Variants in PALM2AKAP2 observed in about 807,000 individuals in gnomAD.
The protein encoded by PALM2AKAP2 is PALM2 and AKAP2 fusion.
In PALM2AKAP2, 37 loss-of-function variants were observed where a neutral mutation model predicts 71.5. The ratio of observed to expected loss-of-function variants is 0.52; its 90% CI spans 0.40 to 0.68. The LOEUF is 0.68. Ranked by LOEUF, PALM2AKAP2 falls within the 30% of genes least tolerant of loss-of-function variation. The probability of loss-of-function intolerance (pLI) is 0.00; values close to 1 mark genes in which losing one functional copy is unlikely to be tolerated. For synonymous variants in PALM2AKAP2, 468 were observed against 478.8 expected (o/e 0.98, Z 0.29); for missense variants, 1,224 against 1,191.8 (o/e 1.03, Z -0.40).
At chr9:109,753,812 A>G (rs1157836000) in intron 1 of PALM2AKAP2, among the ~76,000 whole-genome samples, 1 of 136,894 alleles carries the variant, frequency 7.3e-6, no homozygotes, top group Non-Finnish European at 1.6e-5. Context: ...CTTTAAAGTA[A>G]TTGAATTCAG....
intron 1 of PALM2AKAP2, among the ~76,000 whole-genome samples, chr9:109,755,837 A>C (rs765733222): frequency 2.6e-5 from 4 of 152,120 alleles, no homozygotes; most frequent in Non-Finnish European, 4.4e-5. Flanking sequence ...AAGACTTCAA[A>C]ACCCCTGGAA....
chr9:109,782,399 C>T (rs866082524), intron 1 of PALM2AKAP2, among the ~76,000 whole-genome samples: 3 of 152,178 alleles, frequency 2.0e-5, no homozygotes, highest in Admixed American at 6.5e-5. Flanking sequence ...TCCATATCCA[C>T]GCCTTCAGTC....
intron 6 of PALM2AKAP2, among the ~76,000 whole-genome samples, chr9:109,952,304 G>A (rs1231968676): frequency 6.6e-6 from 1 of 152,150 alleles, no homozygotes; most frequent in African/African-American, 2.4e-5. Context: ...CAAAAAAAAA[G>A]TTTCAAAAAA....
At chr9:109,972,848 G>A (rs1489300651) in intron 6 of PALM2AKAP2, among the ~76,000 whole-genome samples, 3 of 152,190 alleles carry the variant, frequency 2.0e-5, no homozygotes, top group African/African-American at 4.8e-5. Flanking sequence ...ATGCTAATAT[G>A]TATAACGGAC....
chr9:109,968,097 A>G (rs1831991285), intron 6 of PALM2AKAP2, among the ~76,000 whole-genome samples: 1 of 152,188 alleles, frequency 6.6e-6, no homozygotes. Context: ...ATGGTAAAGG[A>G]TTTAGGACTG....
Position 109,935,406 on chromosome 9 carries a change from T to C in PALM2AKAP2, c.496+3378T>C, listed in dbSNP as rs74895755. 6.7e-4 allele frequency among the ~76,000 whole-genome samples: 102 copies of C among 152,344 alleles called. 2 individuals are homozygous for C. In the East Asian group the frequency reaches 0.014, roughly 20 times the overall value. On this transcript the variant is annotated intron_variant, in intron 6 of 9. Coordinates refer to the PALM2AKAP2 transcript ENST00000302798. ...CTAAATTGACATCTTTGGGGTATGA[T>C]CATGCAACCACTAACAAGTTAATTG...
Position 110,159,241 on chromosome 9 carries a change from A to G in PALM2AKAP2, c.2748+2744A>G, listed in dbSNP as rs552691851. Reference sequence around the variant, plus strand: ...ATTCTGGTCTCTAGCCTCCATTTACATACACTATTCTCACAGAGAAACATG... The same window carrying G: ...ATTCTGGTCTCTAGCCTCCATTTACGTACACTATTCTCACAGAGAAACATG... On this transcript the variant is annotated intron_variant, in intron 3 of 3. Transcript: ENST00000374525. 1.6e-4 allele frequency among the ~76,000 whole-genome samples: 25 copies of G among 152,296 alleles called. No individual in the cohort carries two copies. In the South Asian group the frequency reaches 4.8e-3, roughly 29 times the overall value.
intron 1 of PALM2AKAP2, among the ~76,000 whole-genome samples, chr9:109,708,986 G>A (rs1429696779): frequency 1.3e-5 from 2 of 152,192 alleles, no homozygotes; most frequent in East Asian, 1.9e-4. Flanking sequence ...TGGAATGCAA[G>A]GGCAATTCAC....
At chr9:109,673,826 G>C (rs1827609962) in intron 1 of PALM2AKAP2, among the ~76,000 whole-genome samples, 2 of 152,048 alleles carry the variant, frequency 1.3e-5, no homozygotes, top group South Asian at 2.1e-4. Flanking sequence ...TTATCTTGTT[G>C]AATTGAACCC....
chr9:109,942,609 T>A (rs975142450), intron 6 of PALM2AKAP2: 20 of 1,484,864 alleles, frequency 1.3e-5, no homozygotes, highest in Non-Finnish European at 1.8e-5. Context: ...ACCTTTTTTT[T>A]TGTCTGTTTG....
intron 6 of PALM2AKAP2, among the ~76,000 whole-genome samples, chr9:110,014,806 G>GTATATATATATA (rs34408706): frequency 2.4e-5 from 1 of 41,548 alleles, no homozygotes; most frequent in Non-Finnish European, 3.6e-5. Context: ...AAAAAAAAAT[G>GTATATATATATA]TATATATATA....
At chr9:110,067,489 C>T (rs1327733441) in intron 1 of PALM2AKAP2, among the ~76,000 whole-genome samples, 1 of 152,148 alleles carries the variant, frequency 6.6e-6, no homozygotes, top group Non-Finnish European at 1.5e-5. Flanking sequence ...CAATTGAATG[C>T]ATTATTAGCC....
chr9:109,661,541 G>T (rs1220654331), intron 1 of PALM2AKAP2, among the ~76,000 whole-genome samples: 1 of 152,194 alleles, frequency 6.6e-6, no homozygotes, highest in African/African-American at 2.4e-5. Context: ...TTTGGTACCA[G>T]TACCATGCTG....
At chr9:109,689,825 T>C (rs984824407) in intron 1 of PALM2AKAP2, among the ~76,000 whole-genome samples, 6 of 152,164 alleles carry the variant, frequency 3.9e-5, no homozygotes, top group Non-Finnish European at 8.8e-5. Context: ...TCACGTTCTC[T>C]ATGATCTGGC....
intron 1 of PALM2AKAP2, among the ~76,000 whole-genome samples, chr9:109,768,032 A>G (rs1199662106): frequency 1.1e-3 from 54 of 47,098 alleles, no homozygotes; most frequent in African/African-American, 6.5e-3. Flanking sequence ...AAGGAAGGAA[A>G]GAAAAAGAGG....
At chr9:109,727,550 G>A (rs1223217464) in intron 1 of PALM2AKAP2, among the ~76,000 whole-genome samples, 1 of 152,200 alleles carries the variant, frequency 6.6e-6, no homozygotes, top group Non-Finnish European at 1.5e-5. Context: ...TCTGATGCAG[G>A]TGGCCAATGA....
chr9:109,929,182 TG>T (rs377637769), intron 5 of PALM2AKAP2, among the ~76,000 whole-genome samples: 15,879 of 148,192 alleles, frequency 0.11, 908 homozygotes, highest in East Asian at 0.18. Flanking sequence ...TTTTTTTTTT[TG>T]TTTCTTTTTT....
intron 1 of PALM2AKAP2, among the ~76,000 whole-genome samples, chr9:109,853,651 A>G (rs955933554): frequency 1.3e-5 from 2 of 152,236 alleles, no homozygotes; most frequent in African/African-American, 4.8e-5. Context: ...ATAAATTCCT[A>G]GAAGTGAAAT....
chr9:109,979,756 G>A (rs1249667546), intron 6 of PALM2AKAP2, among the ~76,000 whole-genome samples: 1 of 152,152 alleles, frequency 6.6e-6, no homozygotes, highest in Non-Finnish European at 1.5e-5. Flanking sequence ...GGCTTCTGAT[G>A]TTATTGTTGG....
Sources: allele counts gnomAD v4.1 joint callset (sites outside exome capture counted in the v4.1 genomes callset), GRCh38; gene constraint gnomAD v4.1.1; transcripts MANE v1.5; gene names NCBI Gene and HGNC (gene_info 2026-07-23, HGNC 2026-07-21).